The following DCLK2 variants were observed in gnomAD, a reference collection of about 807,000 sequenced individuals.
DCLK2 encodes serine/threonine-protein kinase DCLK2.
In DCLK2, 31 loss-of-function variants were observed where a neutral mutation model predicts 78.4. The observed-to-expected ratio is 0.40, with a 90% CI of 0.30 to 0.53. The LOEUF is 0.53. Ranked by LOEUF, DCLK2 falls within the 20% of genes least tolerant of loss-of-function variation. The pLI, the probability that DCLK2 is intolerant of heterozygous loss-of-function variation, is 0.61. For synonymous variants in DCLK2, 407 were observed against 374.9 expected, an observed-to-expected ratio of 1.09 and a Z score of -0.99; for missense variants, 872 against 973.7, an observed-to-expected ratio of 0.90 and a Z score of 1.39.
chr4:150,159,288 G>A (rs1396795804), intron 2 of DCLK2, among the ~76,000 whole-genome samples: 2 of 152,170 alleles, frequency 1.3e-5, no homozygotes, highest in Non-Finnish European at 2.9e-5. Context: ...CTTCCTTCAT[G>A]AATTCCACCA....
intron 1 of DCLK2, 34 bp downstream of exon 1, chr4:150,079,482 C>T (rs1729080547): frequency 6.9e-7 from 1 of 1,440,780 alleles, no homozygotes; most frequent in Non-Finnish European, 9.1e-7. Flanking sequence ...GCAGGTGCGG[C>T]GGAGCGCCGG....
At position 150,172,760 on chromosome 4, in the gene DCLK2, T is replaced by TTTGG. The variant is rs762854376; in HGVS notation, c.757-20378_757-20377insTTGG. ...CTCTAGAGAGTGTTCTTTTTTTTTTTGGGGGGGGGGGGGATACCTTGCTCT... is the reference window on the plus strand; with the variant it reads ...CTCTAGAGAGTGTTCTTTTTTTTTTTTTGGGGGGGGGGGGGGGATACCTTGCTCT... On this transcript the variant is annotated intron_variant, in intron 2 of 15. Transcript: ENST00000296550. 4.3e-4 allele frequency among the ~76,000 whole-genome samples: 54 copies of TTTGG among 124,970 alleles called. 3 individuals carry two copies. Among genetic ancestry groups the TTTGG allele is most frequent in the Non-Finnish European group, 7.1e-4 (41 of 57,686 alleles). 82.0% of individuals were successfully genotyped at this position (124,970 alleles called of 152,430 possible).
chr4:150,236,184 TC>T (rs1282608102), intron 10 of DCLK2, among the ~76,000 whole-genome samples: 3 of 152,236 alleles, frequency 2.0e-5, no homozygotes, highest in Non-Finnish European at 2.9e-5. Context: ...GACAGAAGCA[TC>T]TCACAGCTTG....
chr4:150,174,337 C>T (rs1286272973), intron 2 of DCLK2, among the ~76,000 whole-genome samples: 1 of 152,144 alleles, frequency 6.6e-6, no homozygotes, highest in Non-Finnish European at 1.5e-5. Context: ...CATTGATATT[C>T]CCAAGGTGGT....
Position 150,248,355 on chromosome 4 carries a change from G to C in DCLK2, c.1926G>C (p.Ala642=), listed in dbSNP as rs755142772. The C allele has an allele frequency of 6.2e-7, 1 of 1,613,896 alleles. No individual in the cohort carries two copies. ...LQVNVEARCT[A]GQILSHPWVS... is the part of the protein sequence containing the mutation. ...TAAATGTTGAAGCTCGGTGTACCGCGGGACAAATCCTGAGTCACCCCTGGG... is the reference window on the plus strand; with the variant it reads ...TAAATGTTGAAGCTCGGTGTACCGCCGGACAAATCCTGAGTCACCCCTGGG... Residue 642 remains alanine, a synonymous_variant, in exon 14 of 16, where the codon GCG becomes GCC. Transcript: ENST00000296550.
chr4:150,153,237 A>C (rs1226248671), intron 2 of DCLK2, among the ~76,000 whole-genome samples: 1 of 152,126 alleles, frequency 6.6e-6, no homozygotes, highest in Non-Finnish European at 1.5e-5. Context: ...TGACAGGATG[A>C]ATCTTTTAAG....
intron 1 of DCLK2, among the ~76,000 whole-genome samples, chr4:150,089,450 A>G (rs575428349): frequency 6.6e-5 from 10 of 152,176 alleles, no homozygotes; most frequent in South Asian, 2.1e-4. Context: ...TATATGTACT[A>G]TGCCCTGTTT....
intron 2 of DCLK2, among the ~76,000 whole-genome samples, chr4:150,151,647 G>A (rs1231252946): frequency 6.6e-6 from 1 of 152,090 alleles, no homozygotes; most frequent in Non-Finnish European, 1.5e-5. Flanking sequence ...GCTCTGGGCC[G>A]GGTGCGGTGG....
At chr4:150,109,345 T>C (rs1342515423) in intron 2 of DCLK2, among the ~76,000 whole-genome samples, 1 of 151,932 alleles carries the variant, frequency 6.6e-6, no homozygotes, top group African/African-American at 2.4e-5. Context: ...CTTTTTTTTT[T>C]TTTTCTCTGA....
chr4:150,172,760 T>TTG (rs762854376), intron 2 of DCLK2, among the ~76,000 whole-genome samples: 27 of 125,020 alleles, frequency 2.2e-4, no homozygotes, highest in African/African-American at 2.9e-4. Context: ...TTTTTTTTTT[T>TTG]GGGGGGGGGG....
chr4:150,143,230 A>G (rs1734231943), intron 2 of DCLK2, among the ~76,000 whole-genome samples: 1 of 152,210 alleles, frequency 6.6e-6, no homozygotes, highest in Non-Finnish European at 1.5e-5. Context: ...TTCAATATTG[A>G]ACATTCAATA....
intron 2 of DCLK2, chr4:150,175,455 G>A (rs763526711): frequency 3.3e-5 from 5 of 151,918 alleles, no homozygotes; most frequent in Non-Finnish European, 7.3e-5. Context: ...TCTTTCTCCT[G>A]TGGCTGGAGG....
Position 150,231,958 on chromosome 4 carries a change from T to G in DCLK2, c.1300-379T>G, listed in dbSNP as rs912682293. ...TGCCTAGTCTTTATTTGTGAGTGTA[T>G]ACCGAAATCAAAAAGTGGCTCTGGC... On this transcript the variant is annotated intron_variant, in intron 8 of 15. Coordinates refer to ENST00000296550, the MANE Select transcript of DCLK2 (RefSeq NM_001040260.4). Among the ~76,000 whole-genome samples the G allele has an allele frequency of 7.9e-5, 12 of 152,320 alleles. No individual in the cohort carries two copies. The East Asian group carries it at 2.3e-3, about 29-fold the overall frequency.
chr4:150,248,845 GAC>G (rs1407411006), intron 14 of DCLK2, among the ~76,000 whole-genome samples: 1 of 152,146 alleles, frequency 6.6e-6, no homozygotes, highest in Non-Finnish European at 1.5e-5. Flanking sequence ...GCTGAGTGGA[GAC>G]ACATGATATT....
At chr4:150,082,555 A>G (rs1169384374) in intron 1 of DCLK2, among the ~76,000 whole-genome samples, 1 of 152,312 alleles carries the variant, frequency 6.6e-6, no homozygotes, top group East Asian at 1.9e-4. Flanking sequence ...AGCACCTTCA[A>G]TTTATTGATT....
intron 1 of DCLK2, among the ~76,000 whole-genome samples, chr4:150,102,226 G>C (rs563714999): frequency 4.6e-5 from 7 of 152,256 alleles, no homozygotes; most frequent in African/African-American, 1.4e-4. Context: ...ATTATCCAAG[G>C]TGGCACATTT....
At chr4:150,123,567 G>A (rs1460650825) in intron 2 of DCLK2, among the ~76,000 whole-genome samples, 1 of 152,166 alleles carries the variant, frequency 6.6e-6, no homozygotes, top group East Asian at 1.9e-4. Context: ...ATCAAAATAT[G>A]ACAGACGTGA....
intron 6 of DCLK2, 30 bp downstream of exon 6, chr4:150,220,808 A>C: frequency 6.4e-7 from 1 of 1,569,638 alleles, no homozygotes. Context: ...TTACTTTGAT[A>C]AAGGAAATCA....
At chr4:150,184,498 T>G (rs956117418) in intron 2 of DCLK2, among the ~76,000 whole-genome samples, 1 of 152,042 alleles carries the variant, frequency 6.6e-6, no homozygotes, top group African/African-American at 2.4e-5. Context: ...TGACACCAAC[T>G]CCTGTGTACT....
Sources: allele counts gnomAD v4.1 joint callset (sites outside exome capture counted in the v4.1 genomes callset), GRCh38; gene constraint gnomAD v4.1.1; transcripts MANE v1.5; gene names NCBI Gene and HGNC (gene_info 2026-07-23, HGNC 2026-07-21).